The following RABGAP1L variants were observed in gnomAD, a reference collection of about 807,000 sequenced individuals.
RABGAP1L encodes the protein RAB GTPase activating protein 1 like, also known as rab GTPase-activating protein 1-like.
In RABGAP1L, 63 loss-of-function variants were observed where a neutral mutation model predicts 137.7. The observed-to-expected ratio is 0.46, with a 90% CI of 0.37 to 0.56. RABGAP1L has a LOEUF of 0.56. Among genes scored for constraint, RABGAP1L ranks in the 20% least tolerant of loss-of-function variants. The probability of loss-of-function intolerance (pLI) is 0.00; values close to 1 mark genes in which losing one functional copy is unlikely to be tolerated. For missense variants in RABGAP1L, 1,095 were observed against 1,244.0 expected (o/e 0.88, Z 1.80); for synonymous variants, 431 against 433.7 (o/e 0.99, Z 0.08).
intron 14 of RABGAP1L, among the ~76,000 whole-genome samples, chr1:174,657,760 T>C (rs555129355): frequency 6.6e-6 from 1 of 152,322 alleles, no homozygotes; most frequent in East Asian, 1.9e-4. Flanking sequence ...TTCCCAGTAG[T>C]GGGATTGCTG....
chr1:174,652,023 C>T (rs1675550145), intron 14 of RABGAP1L, among the ~76,000 whole-genome samples: 1 of 152,138 alleles, frequency 6.6e-6, no homozygotes, highest in Admixed American at 6.5e-5. Context: ...TCTTTTAAGG[C>T]AGGCCTGGTG....
At chr1:174,320,251 C>T (rs914026163) in intron 11 of RABGAP1L, among the ~76,000 whole-genome samples, 1 of 152,100 alleles carries the variant, frequency 6.6e-6, no homozygotes, top group African/African-American at 2.4e-5. Flanking sequence ...TCATCGTTTC[C>T]CCTCACTTGT....
intron 13 of RABGAP1L, among the ~76,000 whole-genome samples, chr1:174,512,721 C>T (rs1035239955): frequency 3.3e-5 from 5 of 152,114 alleles, no homozygotes; most frequent in Non-Finnish European, 7.3e-5. Flanking sequence ...TTTTCATTAT[C>T]TGGATTTGTA....
At chr1:174,841,020 T>C (rs1376411854) in intron 19 of RABGAP1L, among the ~76,000 whole-genome samples, 5 of 152,024 alleles carry the variant, frequency 3.3e-5, no homozygotes, top group Non-Finnish European at 5.9e-5. Flanking sequence ...TAAACATCCA[T>C]AAAGCAGAAA....
At chr1:174,318,258 T>C (rs1408187418) in intron 11 of RABGAP1L, among the ~76,000 whole-genome samples, 2 of 152,176 alleles carry the variant, frequency 1.3e-5, no homozygotes, top group Non-Finnish European at 2.9e-5. Context: ...CTTTTTACAC[T>C]TTTGAACTTA....
intron 15 of RABGAP1L, among the ~76,000 whole-genome samples, chr1:174,685,740 T>G (rs926856225): frequency 1.3e-5 from 2 of 151,978 alleles, no homozygotes; most frequent in Non-Finnish European, 2.9e-5. Context: ...ATTTTTGTAT[T>G]TTAGTAGATG....
At chr1:174,391,846 C>T (rs567846714) in intron 12 of RABGAP1L, among the ~76,000 whole-genome samples, 168 of 152,206 alleles carry the variant, frequency 1.1e-3, no homozygotes, top group African/African-American at 3.8e-3. Context: ...GAGGAAATGA[C>T]CTTTGCTCTT....
At chr1:174,770,645 G>A (rs927358527) in intron 18 of RABGAP1L, among the ~76,000 whole-genome samples, 1 of 152,134 alleles carries the variant, frequency 6.6e-6, no homozygotes, top group African/African-American at 2.4e-5. Flanking sequence ...ATTTTTGTGA[G>A]CAAAATAAGT....
intron 19 of RABGAP1L, among the ~76,000 whole-genome samples, chr1:174,870,199 C>G (rs1182099859): frequency 6.6e-6 from 1 of 152,206 alleles, no homozygotes; most frequent in Non-Finnish European, 1.5e-5. Context: ...TAATTTAAAT[C>G]TGCCTTTGTA....
At chr1:174,959,693 T>G (rs566137116) in intron 20 of RABGAP1L, among the ~76,000 whole-genome samples, 1 of 152,324 alleles carries the variant, frequency 6.6e-6, no homozygotes, top group South Asian at 2.1e-4. Context: ...AACTTGTCAG[T>G]ACATTCATCT....
At chr1:174,639,324 A>G (rs1674335898) in intron 14 of RABGAP1L, among the ~76,000 whole-genome samples, 1 of 152,178 alleles carries the variant, frequency 6.6e-6, no homozygotes, top group South Asian at 2.1e-4. Context: ...TTAGAAAGTG[A>G]TATATCATCT....
chr1:174,892,611 T>G, intron 19 of RABGAP1L: 1 of 534,620 alleles, frequency 1.9e-6, no homozygotes. Flanking sequence ...GTTGGTGTTC[T>G]TGGCCTGTAC....
intron 19 of RABGAP1L, among the ~76,000 whole-genome samples, chr1:174,907,386 C>G (rs145063968): frequency 1.1e-3 from 164 of 152,194 alleles, no homozygotes; most frequent in Non-Finnish European, 1.8e-3. Context: ...GATTATGGTT[C>G]ACTGCAGCCT....
intron 13 of RABGAP1L, among the ~76,000 whole-genome samples, chr1:174,453,009 A>C (rs1655612182): frequency 6.6e-6 from 1 of 152,154 alleles, no homozygotes; most frequent in Non-Finnish European, 1.5e-5. Context: ...TTTAAATTCA[A>C]ATTTTGGGGT....
chr1:174,799,817 G>T, intron 18 of RABGAP1L: 9 of 997,974 alleles, frequency 9.0e-6, no homozygotes, highest in Non-Finnish European at 1.1e-5. Context: ...GTCACGAATC[G>T]AGGATTGCAA....
At chr1:174,651,058 G>C (rs1008450694) in intron 14 of RABGAP1L, among the ~76,000 whole-genome samples, 6 of 151,732 alleles carry the variant, frequency 4.0e-5, no homozygotes, top group African/African-American at 1.5e-4. Context: ...TGGTTTCAAA[G>C]AACATCTTTA....
In RABGAP1L at chr1:174,969,272, T is replaced by G. The variant is rs950417727; in HGVS notation, c.2434-5T>G. ...TGCCCACCTCTGGCTATTGTTCTTC[T>G]GCAGAGGGAGAACCGAAGATTACAG... On this transcript the variant is annotated splice_polypyrimidine_tract_variant and splice_region_variant and intron_variant, in intron 20 of 25. Transcript: ENST00000681986. 1.0e-5 allele frequency: 16 copies of G among 1,547,384 alleles called. No homozygotes were observed. In the East Asian group the frequency reaches 1.5e-4, roughly 14 times the overall value.
intron 14 of RABGAP1L, among the ~76,000 whole-genome samples, chr1:174,650,354 G>C (rs1572681627): frequency 1.3e-5 from 2 of 152,288 alleles, no homozygotes; most frequent in South Asian, 4.1e-4. Context: ...CTCATAAAAT[G>C]AGTTAGGGAG....
At chr1:174,758,438 C>T (rs61281388) in intron 18 of RABGAP1L, among the ~76,000 whole-genome samples, 2,343 of 152,068 alleles carry the variant, frequency 0.015, 61 homozygotes, top group African/African-American at 0.054. Context: ...TTTAATCCCT[C>T]ACCGCCCTCC....
Sources: allele counts gnomAD v4.1 joint callset (sites outside exome capture counted in the v4.1 genomes callset), GRCh38; gene constraint gnomAD v4.1.1; transcripts MANE v1.5; gene names NCBI Gene and HGNC (gene_info 2026-07-23, HGNC 2026-07-21).